The following PTPRD variants were observed in gnomAD, a reference collection of about 807,000 sequenced individuals.
PTPRD encodes the protein protein tyrosine phosphatase receptor type D.
In PTPRD, 34 loss-of-function variants were observed where a neutral mutation model predicts 214.5. The observed-to-expected ratio is 0.16, with a 90% CI of 0.12 to 0.21. The LOEUF (loss-of-function observed/expected upper bound fraction) is 0.21. Ranked by LOEUF, PTPRD falls within the 10% of genes least tolerant of loss-of-function variation. PTPRD has a pLI of 1.00. For synonymous variants in PTPRD, 1,128 were observed against 845.7 expected (o/e 1.33, Z -5.79); for missense variants, 2,545 against 2,398.7 (o/e 1.06, Z -1.27).
At chr9:9,743,960 C>G (rs1407104220) in intron 6 of PTPRD, among the ~76,000 whole-genome samples, 1 of 152,104 alleles carries the variant, frequency 6.6e-6, no homozygotes, top group East Asian at 1.9e-4. Flanking sequence ...CCTACACCTC[C>G]TATATCCTAA....
intron 9 of PTPRD, among the ~76,000 whole-genome samples, chr9:9,257,151 C>T (rs967427544): frequency 1.1e-4 from 16 of 151,902 alleles, no homozygotes; most frequent in Non-Finnish European, 2.2e-4. Flanking sequence ...AAAATCTCCT[C>T]TTTTGTGGGG....
chr9:10,412,191 G>C (rs1290372975), intron 2 of PTPRD, among the ~76,000 whole-genome samples: 2 of 151,664 alleles, frequency 1.3e-5, no homozygotes, highest in African/African-American at 4.8e-5. Flanking sequence ...ATAAAGAAGA[G>C]AGAAGATCCA....
chr9:9,629,747 GCTCTTT>G (rs2095532995), intron 7 of PTPRD, among the ~76,000 whole-genome samples: 2 of 151,962 alleles, frequency 1.3e-5, no homozygotes, highest in Non-Finnish European at 2.9e-5. Flanking sequence ...AAAGGAATAG[GCTCTTT>G]CCCTTCTGAA....
intron 9 of PTPRD, among the ~76,000 whole-genome samples, chr9:9,193,950 C>T (rs1040621472): frequency 6.6e-6 from 1 of 152,090 alleles, no homozygotes; most frequent in Non-Finnish European, 1.5e-5. Flanking sequence ...TTTGGCTCTT[C>T]TGTAATAACA....
intron 12 of PTPRD, among the ~76,000 whole-genome samples, chr9:8,641,503 T>C (rs1292345342): frequency 6.7e-6 from 1 of 148,520 alleles, no homozygotes; most frequent in Non-Finnish European, 1.5e-5. Context: ...TATGATCTTT[T>C]ATTAAACTAA....
chr9:10,414,803 G>A (rs1310972073), intron 2 of PTPRD, among the ~76,000 whole-genome samples: 1 of 151,762 alleles, frequency 6.6e-6, no homozygotes, highest in African/African-American at 2.4e-5. Context: ...TGGATGGAAC[G>A]GAATGCCATT....
At chr9:10,015,851 AT>A (rs1445238510) in intron 4 of PTPRD, among the ~76,000 whole-genome samples, 3 of 152,048 alleles carry the variant, frequency 2.0e-5, no homozygotes. Context: ...CTACAAGGTC[AT>A]TTTGAAACAT....
At chr9:10,158,245 G>A (rs2154286151) in intron 3 of PTPRD, among the ~76,000 whole-genome samples, 1 of 152,252 alleles carries the variant, frequency 6.6e-6, no homozygotes, top group South Asian at 2.1e-4. Context: ...CTGACCTCAT[G>A]ATCTGCCCAC....
intron 8 of PTPRD, among the ~76,000 whole-genome samples, chr9:9,401,419 C>G (rs1156582045): frequency 1.3e-5 from 2 of 151,966 alleles, no homozygotes; most frequent in Non-Finnish European, 2.9e-5. Flanking sequence ...TTTCTCATAT[C>G]AGTCAGGACT....
At chr9:9,139,097 C>T (rs958087718) in intron 10 of PTPRD, among the ~76,000 whole-genome samples, 2 of 151,622 alleles carry the variant, frequency 1.3e-5, no homozygotes, top group Non-Finnish European at 2.9e-5. Flanking sequence ...CAGGAGCCCC[C>T]CTCCCCCCCG....
intron 7 of PTPRD, among the ~76,000 whole-genome samples, chr9:9,608,019 G>C (rs1037414261): frequency 1.3e-5 from 2 of 152,170 alleles, no homozygotes; most frequent in African/African-American, 4.8e-5. Context: ...ATTAGAATCA[G>C]ACTCCACTGC....
At chr9:8,775,940 G>A (rs112038248) in intron 11 of PTPRD, among the ~76,000 whole-genome samples, 107 of 152,082 alleles carry the variant, frequency 7.0e-4, no homozygotes, top group Non-Finnish European at 3.8e-4. Flanking sequence ...ATTTAGGCTG[G>A]GCCAGTCCTA....
chr9:10,069,295 G>C (rs1035580499), intron 3 of PTPRD, among the ~76,000 whole-genome samples: 1 of 151,938 alleles, frequency 6.6e-6, no homozygotes, highest in African/African-American at 2.4e-5. Flanking sequence ...TTACTAAGCA[G>C]AGTGCAAACA....
At chr9:8,525,069 G>C in intron 17 of PTPRD, 34 bp from the exon 18 acceptor site, 3 of 1,548,158 alleles carry the variant, frequency 1.9e-6, no homozygotes, top group Non-Finnish European at 2.7e-6. Context: ...CCAAAGAGAT[G>C]ATCAGAGAAG....
In PTPRD at chr9:9,555,083, G is replaced by C. The variant is rs112435705; in HGVS notation, c.-237+19649C>G. Among the ~76,000 whole-genome samples the C allele has an allele frequency of 6.6e-5, 10 of 152,108 alleles. No individual in the cohort carries two copies. In the South Asian group the frequency reaches 1.9e-3, roughly 28 times the overall value. ...AAAAGTGGTTTGTTTAAAGGCATAA[G>C]TGCATAATGTGAAACATTTCAGAGT... On this transcript the variant is annotated intron_variant, in intron 8 of 45. Transcript: ENST00000381196.
At chr9:9,159,963 C>G (rs1362938850) in intron 10 of PTPRD, among the ~76,000 whole-genome samples, 1 of 152,084 alleles carries the variant, frequency 6.6e-6, no homozygotes, top group Non-Finnish European at 1.5e-5. Flanking sequence ...AAGGGATAGC[C>G]TTTTCCATCA....
At chr9:10,142,760 C>A (rs1011124969) in intron 3 of PTPRD, among the ~76,000 whole-genome samples, 36 of 148,804 alleles carry the variant, frequency 2.4e-4, no homozygotes, top group Non-Finnish European at 2.8e-4. Flanking sequence ...TTTGACCCAG[C>A]CATCCCATTA....
intron 12 of PTPRD, among the ~76,000 whole-genome samples, chr9:8,686,277 T>A (rs1456398442): frequency 1.3e-5 from 2 of 152,198 alleles, no homozygotes; most frequent in Non-Finnish European, 2.9e-5. Flanking sequence ...ATTGGCCAAG[T>A]ATAAAGTTAT....
At chr9:8,595,840 C>G (rs2094448404) in intron 14 of PTPRD, among the ~76,000 whole-genome samples, 3 of 152,040 alleles carry the variant, frequency 2.0e-5, no homozygotes, top group Admixed American at 2.0e-4. Flanking sequence ...TTTAAAAATT[C>G]CTGCTCTATG....
Sources: gnomAD v4.1 joint callset for allele counts (sites outside exome capture counted in the v4.1 genomes callset) on GRCh38, gnomAD v4.1.1 for gene constraint, MANE v1.5 for transcripts, NCBI Gene and HGNC (gene_info 2026-07-23, HGNC 2026-07-21) for gene names.